Variants in GRM5 observed in about 807,000 individuals in gnomAD.
The protein encoded by GRM5 is glutamate metabotropic receptor 5.
A neutral mutation model predicts 83.1 loss-of-function variants in GRM5; 19 were observed. The ratio of observed to expected loss-of-function variants is 0.23; its 90% CI spans 0.16 to 0.34. The LOEUF is 0.34. GRM5 is among the 10% of genes least tolerant of loss of function. The probability of loss-of-function intolerance (pLI) is 1.00; values close to 1 mark genes in which losing one functional copy is unlikely to be tolerated. For missense variants in GRM5, 1,160 were observed against 1,588.3 expected (o/e 0.73, Z 4.58); for synonymous variants, 675 against 633.6 (o/e 1.07, Z -0.98).
At chr11:88,798,719 A>ATT (rs1179442720) in intron 3 of GRM5, among the ~76,000 whole-genome samples, 2 of 148,496 alleles carry the variant, frequency 1.3e-5, no homozygotes, top group Admixed American at 6.9e-5. Context: ...GGATAGGAGC[A>ATT]TTTGAGAGAA....
intron 3 of GRM5, among the ~76,000 whole-genome samples, chr11:88,724,338 G>A (rs866546217): frequency 1.7e-4 from 26 of 151,990 alleles, no homozygotes; most frequent in Non-Finnish European, 3.4e-4. Flanking sequence ...GGAGGCCGTC[G>A]GTCCCTGCCA....
At chr11:88,931,594 AAGAC>A (rs1430521824) in intron 2 of GRM5, among the ~76,000 whole-genome samples, 2 of 152,134 alleles carry the variant, frequency 1.3e-5, no homozygotes, top group Non-Finnish European at 2.9e-5. Flanking sequence ...AGCATGAGCA[AAGAC>A]AGAGACTTGT....
At chr11:89,059,266 TTC>T (rs1225499459) in intron 1 of GRM5, among the ~76,000 whole-genome samples, 1 of 152,184 alleles carries the variant, frequency 6.6e-6, no homozygotes, top group Admixed American at 6.5e-5. Context: ...ATCTAAGTCT[TTC>T]TTTTACACTT....
rs955892232 is a variant in GRM5 at position 89,061,328 on chromosome 11, C to T, written c.-201+4448G>A. Among the ~76,000 whole-genome samples, 4 of 152,146 alleles carry T rather than the reference C, an allele frequency of 2.6e-5. No homozygotes were observed. The East Asian group carries it at 7.7e-4, about 29-fold the overall frequency. The stretch of plus-strand genomic sequence containing the variant: ...ATTTTTAATGATCAACCTCATCTCA[C>T]ATTTTCTACTTGTAGTACCACCTAC... On this transcript the variant is annotated intron_variant, in intron 1 of 9. Transcript: ENST00000305447.
intron 2 of GRM5, among the ~76,000 whole-genome samples, chr11:88,852,643 C>G (rs186592509): frequency 7.1e-4 from 108 of 152,074 alleles, no homozygotes; most frequent in Middle Eastern, 3.4e-3. Context: ...AATTTTCACT[C>G]AATTTTGCAG....
intron 3 of GRM5, among the ~76,000 whole-genome samples, chr11:88,796,482 C>T (rs944219285): frequency 2.6e-5 from 4 of 152,112 alleles, no homozygotes; most frequent in African/African-American, 9.7e-5. Flanking sequence ...ATGACACTCA[C>T]CACATGACTT....
At chr11:88,952,328 C>T (rs1045794842) in intron 2 of GRM5, among the ~76,000 whole-genome samples, 2 of 152,204 alleles carry the variant, frequency 1.3e-5, no homozygotes, top group African/African-American at 4.8e-5. Flanking sequence ...GCTCTCTGAA[C>T]TTCCAACTGT....
intron 3 of GRM5, among the ~76,000 whole-genome samples, chr11:88,775,924 C>T (rs952585513): frequency 1.1e-4 from 17 of 152,100 alleles, no homozygotes; most frequent in African/African-American, 2.2e-4. Context: ...CAGTTGATTT[C>T]GGGTAGAGAG....
At chr11:88,906,213 G>A (rs900839420) in intron 2 of GRM5, among the ~76,000 whole-genome samples, 13 of 152,116 alleles carry the variant, frequency 8.5e-5, no homozygotes, top group East Asian at 3.9e-4. Flanking sequence ...ATCTACTCTT[G>A]TTTCTGTCAC....
intron 8 of GRM5, among the ~76,000 whole-genome samples, chr11:88,557,546 G>A (rs1038940182): frequency 6.6e-6 from 1 of 152,056 alleles, no homozygotes; most frequent in Admixed American, 6.6e-5. Context: ...TTGGCTGATG[G>A]CTCCTTGAGG....
At chr11:88,848,545 G>T (rs1281386680) in intron 3 of GRM5, among the ~76,000 whole-genome samples, 1 of 152,114 alleles carries the variant, frequency 6.6e-6, no homozygotes, top group Non-Finnish European at 1.5e-5. Context: ...GGTTTTTGCT[G>T]TTCTTTACAC....
intron 2 of GRM5, among the ~76,000 whole-genome samples, chr11:88,871,181 A>T (rs991425068): frequency 6.6e-6 from 1 of 151,718 alleles, no homozygotes; most frequent in Non-Finnish European, 1.5e-5. Context: ...AAAACAACCC[A>T]GTGAGACTGG....
At chr11:88,558,332 C>T (rs996290705) in intron 8 of GRM5, among the ~76,000 whole-genome samples, 1 of 152,084 alleles carries the variant, frequency 6.6e-6, no homozygotes, top group Non-Finnish European at 1.5e-5. Context: ...AACAACAATC[C>T]CAGCTTGTTG....
intron 3 of GRM5, among the ~76,000 whole-genome samples, chr11:88,816,281 C>T (rs1322167559): frequency 1.4e-5 from 2 of 146,468 alleles, no homozygotes; most frequent in Non-Finnish European, 3.0e-5. Flanking sequence ...TGGCTCATGC[C>T]TGTAATCCCA....
At chr11:89,015,400 T>C (rs191001970) in intron 2 of GRM5, among the ~76,000 whole-genome samples, 109 of 152,316 alleles carry the variant, frequency 7.2e-4, no homozygotes, top group Middle Eastern at 3.4e-3. Context: ...GGCTGTTTTA[T>C]TGGGCTTCTT....
chr11:88,777,519 G>C (rs1942882851), intron 3 of GRM5, among the ~76,000 whole-genome samples: 1 of 152,194 alleles, frequency 6.6e-6, no homozygotes, highest in Non-Finnish European at 1.5e-5. Context: ...GGGGCACTCT[G>C]ATTTTTAGAA....
intron 3 of GRM5, among the ~76,000 whole-genome samples, chr11:88,695,879 A>G (rs59256916): frequency 0.12 from 18,453 of 152,140 alleles, 2,446 homozygotes; most frequent in African/African-American, 0.33. Flanking sequence ...GGCGTTGTCC[A>G]GGGTTGAGTG....
At position 88,917,455 on chromosome 11, in the gene GRM5, A is replaced by G. The variant is rs1263665187; in HGVS notation, c.662-67300T>C. On this transcript the variant is annotated intron_variant, in intron 2 of 9. Transcript: ENST00000305447. ...ACATTGACAAACATCCAAAAGTATT[A>G]AGACCATCTAGGAAAACATGACTTT... is the stretch of plus-strand genomic sequence containing the variant. Among the ~76,000 whole-genome samples, 3 of 152,186 alleles carry G rather than the reference A, an allele frequency of 2.0e-5. No homozygotes were observed. In the East Asian group the frequency reaches 5.8e-4, roughly 29 times the overall value.
intron 2 of GRM5, among the ~76,000 whole-genome samples, chr11:88,869,961 T>C (rs1326809569): frequency 6.6e-6 from 1 of 151,574 alleles, no homozygotes; most frequent in East Asian, 1.9e-4. Context: ...TTAATTTCCA[T>C]AACTTACAGT....
Sources: gnomAD v4.1 joint callset for allele counts (sites outside exome capture counted in the v4.1 genomes callset) on GRCh38, gnomAD v4.1.1 for gene constraint, MANE v1.5 for transcripts, NCBI Gene and HGNC (gene_info 2026-07-23, HGNC 2026-07-21) for gene names.